The following SLC25A11 variants were observed in gnomAD, a reference collection of about 807,000 sequenced individuals.
SLC25A11 encodes mitochondrial 2-oxoglutarate/malate carrier protein.
Under a neutral mutation model 32.7 loss-of-function variants are expected in SLC25A11, and 11 were observed. The observed-to-expected ratio is 0.34, with a 90% confidence interval of 0.21 to 0.56. The LOEUF (loss-of-function observed/expected upper bound fraction) is 0.56. Ranked by LOEUF, SLC25A11 falls within the 20% of genes least tolerant of loss-of-function variation. The pLI is 0.90. For missense variants in SLC25A11, 295 were observed against 426.3 expected (o/e 0.69, Z 2.71); for synonymous variants, 163 against 168.3 (o/e 0.97, Z 0.24).
Position 4,939,274 on chromosome 17 carries a change from A to C in SLC25A11, c.96-62T>G. 6.5e-7 allele frequency: 1 copy of C among 1,534,686 alleles called. No homozygotes were observed. Among genetic ancestry groups the C allele is most frequent in the Non-Finnish European group, 8.8e-7 (1 of 1,133,276 alleles). ...TTCCAGATCTACCAGTGCCCACTGG[A>C]GCCTGGCAGCAAGAGGTTACAAAGG... On this transcript the variant is annotated intron_variant, in intron 1 of 7. Transcript: ENST00000225665. The surrounding 1 kb of genome is among the most constrained non-coding windows in gnomAD (Gnocchi z 4.1).
At position 4,938,755 on chromosome 17, in the gene SLC25A11, G is replaced by C; in HGVS notation, c.455+14C>G. 1 of 1,606,530 alleles carries C rather than the reference G, an allele frequency of 6.2e-7. No individual in the cohort carries two copies. The highest frequency in any genetic ancestry group is 8.5e-7 in the Non-Finnish European group (1 of 1,174,940). ...GGGAATGGGGCTGGGGTTAGGTTCA[G>C]ACTTGGAACTCACCGGCCATCGGCA... On this transcript the variant is annotated intron_variant, in intron 3 of 7. Coordinates refer to ENST00000225665, the MANE Select transcript of SLC25A11 (RefSeq NM_003562.5). This position sits in a 1 kb window ranked among gnomAD's most constrained non-coding sequence, Gnocchi z 7.6.
rs1567653022 is a variant in SLC25A11 at position 4,939,796 on chromosome 17, T to G, written c.95+20A>C. 1 of 1,599,878 alleles carries G rather than the reference T, an allele frequency of 6.3e-7. No homozygotes were observed. Among genetic ancestry groups the G allele is most frequent in the Admixed American group, 1.7e-5 (1 of 59,662 alleles). ...CCCTTCCCTTCCTCCTCTTTTCCCATCCCTGGGGCCTGAGCTTACCCGGCC... is the reference window on the plus strand; with the variant it reads ...CCCTTCCCTTCCTCCTCTTTTCCCAGCCCTGGGGCCTGAGCTTACCCGGCC... On this transcript the variant is annotated intron_variant, in intron 1 of 7. Coordinates refer to ENST00000225665, the MANE Select transcript of SLC25A11 (RefSeq NM_003562.5). The surrounding 1 kb of genome is among the most constrained non-coding windows in gnomAD (Gnocchi z 4.1).
chr17:4,937,770 C>A lies in SLC25A11; in HGVS notation c.916G>T (p.Ala306Ser). 6.2e-7 allele frequency: 1 copy of A among 1,613,452 alleles called. No homozygotes were observed. The highest frequency in any genetic ancestry group is 8.5e-7 in the Non-Finnish European group (1 of 1,179,708). Residue 306 changes from alanine (A) to serine (S), a missense_variant, in exon 8 of 8, where the codon GCC (alanine) becomes TCC (serine). Transcript: ENST00000225665. The stretch of plus-strand genomic sequence containing the variant: ...CCACTGAGGAAGAGACGCTTGTAGG[C>A]CTTGTTCATCTGCTCCAAGAAGATG... ...TFIFLEQMNK[A>S]YKRLFLSG
In SLC25A11 at chr17:4,939,682, A is replaced by C; in HGVS notation, c.95+134T>G. 3 of 740,430 alleles carry C rather than the reference A, an allele frequency of 4.1e-6. No individual in the cohort carries two copies. Among genetic ancestry groups the C allele is most frequent in the Non-Finnish European group, 4.7e-6 (2 of 429,630 alleles). 45.9% of individuals were successfully genotyped at this position (740,430 alleles called of 1,614,324 possible). On this transcript the variant is annotated intron_variant, in intron 1 of 7. Coordinates refer to ENST00000225665, the MANE Select transcript of SLC25A11 (RefSeq NM_003562.5). The surrounding 1 kb of genome is among the most constrained non-coding windows in gnomAD (Gnocchi z 4.1). ...TGGGGCCCTAGCAGCCCATCGGGGA[A>C]CTCGCAATACGCTGGAGATCGCGCT...
rs537877652 is a variant in SLC25A11, at chr17:4,939,778, C to T, written c.95+38G>A. 1.1e-5 allele frequency: 17 copies of T among 1,557,752 alleles called. 1 individual carries two copies. The South Asian group carries it at 1.5e-4, about 13-fold the overall frequency. ...CGGGCCCGGTTCCTTTTGCCCTTCC[C>T]TTCCTCCTCTTTTCCCATCCCTGGG... On this transcript the variant is annotated intron_variant, in intron 1 of 7. Coordinates refer to ENST00000225665, the MANE Select transcript of SLC25A11 (RefSeq NM_003562.5). The surrounding 1 kb of genome is among the most constrained non-coding windows in gnomAD (Gnocchi z 4.1).
In SLC25A11 at chr17:4,939,692, C is replaced by T. The variant is rs960786379; in HGVS notation, c.95+124G>A. 3.8e-6 allele frequency: 3 copies of T among 785,112 alleles called. No homozygotes were observed. The highest frequency in any genetic ancestry group is 6.5e-6 in the Non-Finnish European group (3 of 464,568). 48.6% of individuals were successfully genotyped at this position (785,112 alleles called of 1,614,324 possible). Reference sequence around the variant, plus strand: ...GCAGCCCATCGGGGAACTCGCAATACGCTGGAGATCGCGCTGACCCCGTGC... The same window carrying T: ...GCAGCCCATCGGGGAACTCGCAATATGCTGGAGATCGCGCTGACCCCGTGC... On this transcript the variant is annotated intron_variant, in intron 1 of 7. Coordinates refer to ENST00000225665, the MANE Select transcript of SLC25A11 (RefSeq NM_003562.5). The surrounding 1 kb of genome is among the most constrained non-coding windows in gnomAD (Gnocchi z 4.1).
Position 4,938,975 on chromosome 17 carries a change from C to T in SLC25A11, c.249G>A (p.Gly83=), listed in dbSNP as rs759054871. ...CCTGACGCAGCAGGCCAGCCGACAG[C>T]CTGAGGAGCAGAGGGGTCAGCATAT... ...KAEGLRGIYT[G]LSAGLLRQAT... is the part of the protein sequence containing the mutation. Residue 83 remains glycine (G), a splice_region_variant and synonymous_variant, in exon 3 of 8, where the codon GGG becomes GGA. Coordinates refer to ENST00000225665, the MANE Select transcript of SLC25A11 (RefSeq NM_003562.5). This position sits in a 1 kb window ranked among gnomAD's most constrained non-coding sequence, Gnocchi z 7.6. The T allele has an allele frequency of 1.9e-6, 3 of 1,614,154 alleles. No individual in the cohort carries two copies. The East Asian group carries it at 6.7e-5, about 36-fold the overall frequency.
Position 4,938,941 on chromosome 17 carries a change from T to C in SLC25A11, c.283A>G (p.Thr95Ala), listed in dbSNP as rs1970524206. 1 of 1,613,960 alleles carries C rather than the reference T, an allele frequency of 6.2e-7. No individual in the cohort carries two copies. Among genetic ancestry groups the C allele is most frequent in the African/African-American group, 1.3e-5 (1 of 74,892 alleles). ...GTATAGATGCCAAGGCGGGTAGTGG[T>C]GTAGGTGGCCTGACGCAGCAGGCCA... is the stretch of plus-strand genomic sequence containing the variant. ...SAGLLRQATY[T>A]TTRLGIYTVL... is the part of the protein sequence containing the mutation. The change falls in exon 3 of 8, where the codon ACC becomes GCC. Residue 95 changes from threonine to alanine, a missense_variant. Transcript: ENST00000225665. The surrounding 1 kb of genome is among the most constrained non-coding windows in gnomAD (Gnocchi z 7.6).
Position 4,939,547 on chromosome 17 carries a change from G to A in SLC25A11, c.95+269C>T. The A allele has an allele frequency of 1.7e-6, 1 of 578,088 alleles. No individual in the cohort carries two copies. The highest frequency in any genetic ancestry group is 3.0e-6 in the Non-Finnish European group (1 of 328,172). The allele number at this position is 578,088 out of a possible 1,614,324, so 35.8% of individuals were successfully genotyped here. On this transcript the variant is annotated intron_variant, in intron 1 of 7. Coordinates refer to ENST00000225665, the MANE Select transcript of SLC25A11 (RefSeq NM_003562.5). The surrounding 1 kb of genome is among the most constrained non-coding windows in gnomAD (Gnocchi z 4.1). Reference sequence around the variant, plus strand: ...GGTAGTCCTGCAGGAGCCATTTAATGGCCTGGAACCCCCTGCCGCCCGGCC... The same window carrying A: ...GGTAGTCCTGCAGGAGCCATTTAATAGCCTGGAACCCCCTGCCGCCCGGCC...
At chr17:4,937,955 C>G in intron 7 of SLC25A11, 59 bp from the exon 8 acceptor site, 2 of 1,613,326 alleles carry the variant, frequency 1.2e-6, no homozygotes, top group Non-Finnish European at 1.7e-6. Flanking sequence ...CCCCCTCACC[C>G]AGCTGCCTTC....
In SLC25A11 at chr17:4,939,139, T is replaced by C; in HGVS notation, c.169A>G (p.Lys57Glu). ...NRMQLSGEGA[K>E]TREYKTSFHA... Reference sequence around the variant, plus strand: ...AAGCTGGTTTTGTACTCTCGAGTCTTGGCCCCTTCCCCGCTCAACTGCATC... The same window carrying C: ...AAGCTGGTTTTGTACTCTCGAGTCTCGGCCCCTTCCCCGCTCAACTGCATC... The change falls in exon 2 of 8, where the codon AAG becomes GAG. Residue 57 changes from lysine to glutamate, a missense_variant. Coordinates refer to ENST00000225665, the MANE Select transcript of SLC25A11 (RefSeq NM_003562.5). This position sits in a 1 kb window ranked among gnomAD's most constrained non-coding sequence, Gnocchi z 4.1. The C allele has an allele frequency of 1.9e-6, 3 of 1,614,118 alleles. No homozygotes were observed. The highest frequency in any genetic ancestry group is 2.5e-6 in the Non-Finnish European group (3 of 1,179,980).
In SLC25A11 at chr17:4,939,559, C is replaced by T. The variant is rs887624001; in HGVS notation, c.95+257G>A. The T allele has an allele frequency of 1.7e-6, 1 of 580,104 alleles. No individual in the cohort carries two copies. Among genetic ancestry groups the T allele is most frequent in the Non-Finnish European group, 3.0e-6 (1 of 329,802 alleles). 35.9% of individuals were successfully genotyped at this position (580,104 alleles called of 1,614,324 possible). A position where few individuals can be genotyped will look rare whatever the true frequency, so the allele number is the denominator to read the frequency against. The stretch of plus-strand genomic sequence containing the variant: ...GGAGCCATTTAATGGCCTGGAACCC[C>T]CTGCCGCCCGGCCGAGCTTAGCAAT... On this transcript the variant is annotated intron_variant, in intron 1 of 7. Coordinates refer to ENST00000225665, the MANE Select transcript of SLC25A11 (RefSeq NM_003562.5). This position sits in a 1 kb window ranked among gnomAD's most constrained non-coding sequence, Gnocchi z 4.1.
Position 4,939,364 on chromosome 17 carries a change from T to C in SLC25A11, c.96-152A>G, listed in dbSNP as rs180950304. On this transcript the variant is annotated intron_variant, in intron 1 of 7. Coordinates refer to ENST00000225665, the MANE Select transcript of SLC25A11 (RefSeq NM_003562.5). This position sits in a 1 kb window ranked among gnomAD's most constrained non-coding sequence, Gnocchi z 4.1. ...GAGCATGTGTATAAGAGTCTATATG[T>C]ACACCAAGTGCAACGGGTCTGAAAA... 2 of 838,382 alleles carry C rather than the reference T, an allele frequency of 2.4e-6. No homozygotes were observed. Among genetic ancestry groups the C allele is most frequent in the Non-Finnish European group, 3.6e-6 (2 of 554,372 alleles). The allele number at this position is 838,382 out of a possible 1,614,324, so 51.9% of individuals were successfully genotyped here.
Position 4,937,641 on chromosome 17 carries a change from G to A in SLC25A11, c.*100C>T, listed in dbSNP as rs1431771168. 13 of 1,403,306 alleles carry A rather than the reference G, an allele frequency of 9.3e-6. No homozygotes were observed. In the East Asian group the frequency reaches 3.0e-4, roughly 32 times the overall value. The allele number at this position is 1,403,306 out of a possible 1,614,324, so 86.9% of individuals were successfully genotyped here. Reference sequence around the variant, plus strand: ...TTACCGCAGAGGAAGAAACCACACTGTGGAAGGGAAATAAATAGAGGGGTC... The same window carrying A: ...TTACCGCAGAGGAAGAAACCACACTATGGAAGGGAAATAAATAGAGGGGTC... On this transcript the variant is annotated 3_prime_UTR_variant, in exon 8 of 8. Coordinates refer to ENST00000225665, the MANE Select transcript of SLC25A11 (RefSeq NM_003562.5).
At position 4,938,399 on chromosome 17, in the gene SLC25A11, C is replaced by T. The variant is rs1053191346; in HGVS notation, c.577G>A (p.Val193Ile). ...GCIPTMARAV[V>I]VNAAQLASYS... The stretch of plus-strand genomic sequence containing the variant: ...GAGGCGAGCTGGGCAGCATTGACGA[C>T]GACGGCCCGAGCCATGGTAGGGATG... The change falls in exon 5 of 8, where the codon GTC becomes ATC. Residue 193 changes from valine (V) to isoleucine (I), a missense_variant. By Grantham distance (29) the Val-to-Ile change is conservative. Transcript: ENST00000225665. The surrounding 1 kb of genome is among the most constrained non-coding windows in gnomAD (Gnocchi z 7.6). 2.5e-6 allele frequency: 4 copies of T among 1,613,950 alleles called. No homozygotes were observed. The highest frequency in any genetic ancestry group is 3.4e-6 in the Non-Finnish European group (4 of 1,180,024).
In SLC25A11 at chr17:4,939,847, A is replaced by G. The variant is rs1970602421; in HGVS notation, c.64T>C (p.Ser22Pro). 3 of 1,612,466 alleles carry G rather than the reference A, an allele frequency of 1.9e-6. No individual in the cohort carries two copies. Among genetic ancestry groups the G allele is most frequent in the Non-Finnish European group, 1.7e-6 (2 of 1,179,670 alleles). ...IDGKPRTSPK[S>P]VKFLFGGLAG... ...AGGCCCCCAAACAGGAACTTGACGG[A>G]CTTAGGGGAGGTACGGGGCTTCCCG... is the stretch of plus-strand genomic sequence containing the variant. The change falls in exon 1 of 8, where the codon TCC becomes CCC. Residue 22 changes from serine to proline, a missense_variant. Transcript: ENST00000225665. The surrounding 1 kb of genome is among the most constrained non-coding windows in gnomAD (Gnocchi z 4.1).
Position 4,939,808 on chromosome 17 carries a change from G to A in SLC25A11, c.95+8C>T. 2 of 1,609,310 alleles carry A rather than the reference G, an allele frequency of 1.2e-6. No homozygotes were observed. The highest frequency in any genetic ancestry group is 1.7e-6 in the Non-Finnish European group (2 of 1,177,412). On this transcript the variant is annotated splice_region_variant and intron_variant, in intron 1 of 7. Transcript: ENST00000225665. The surrounding 1 kb of genome is among the most constrained non-coding windows in gnomAD (Gnocchi z 4.1). ...TCCTCTTTTCCCATCCCTGGGGCCT[G>A]AGCTTACCCGGCCAGGCCCCCAAAC...
chr17:4,939,889 C>G lies in SLC25A11; in HGVS notation c.22G>C (p.Gly8Arg). The G allele has an allele frequency of 3.1e-6, 5 of 1,610,808 alleles. No individual in the cohort carries two copies. The highest frequency in any genetic ancestry group is 4.2e-6 in the Non-Finnish European group (5 of 1,179,226). The change falls in exon 1 of 8, where the codon GGG becomes CGG. Residue 8 changes from glycine to arginine, a missense_variant. By Grantham distance (125) the Gly-to-Arg change is moderately radical. Transcript: ENST00000225665. This position sits in a 1 kb window ranked among gnomAD's most constrained non-coding sequence, Gnocchi z 4.1. ...GGCTTCCCGTCTATCCCGCCGGCCC[C>G]GGCACTCGCCGTCGCCGCCATCGCC... MAATASA[G>R]AGGIDGKPRT...
At position 4,937,594 on chromosome 17, in the gene SLC25A11, G is replaced by C; in HGVS notation, c.*147C>G. The C allele has an allele frequency of 6.9e-6, 6 of 871,360 alleles. No individual in the cohort carries two copies. The highest frequency in any genetic ancestry group is 5.3e-5 in the East Asian group (2 of 37,580). 54.0% of individuals were successfully genotyped at this position (871,360 alleles called of 1,614,324 possible). A position where few individuals can be genotyped will look rare whatever the true frequency, so the allele number is the denominator to read the frequency against. On this transcript the variant is annotated 3_prime_UTR_variant, in exon 8 of 8. Transcript: ENST00000225665. ...GGACGAGCAGGGCAAGCTGGAGCAG[G>C]GGGTAGAACAGACCAAGTCCTTTAC...
Sources: gnomAD v4.1 joint callset for allele counts on GRCh38, gnomAD v4.1.1 for gene constraint, Gnocchi (gnomAD v3.1) non-coding constraint, MANE v1.5 for transcripts, NCBI Gene and HGNC (gene_info 2026-07-23, HGNC 2026-07-21) for gene names.